Variants in EFL1 observed in about 807,000 individuals in gnomAD.
The protein encoded by EFL1 is elongation factor-like GTPase 1.
EFL1 carries 76 observed loss-of-function variants against 126.7 expected under a neutral mutation model. That is an observed-to-expected ratio of 0.60 (90% CI 0.50 to 0.73). The LOEUF (loss-of-function observed/expected upper bound fraction) is 0.73, where lower values mean the gene tolerates loss of function less well. Ranked by LOEUF, EFL1 falls within the 30% of genes least tolerant of loss-of-function variation. The pLI, the probability that EFL1 is intolerant of heterozygous loss-of-function variation, is 0.00. For missense variants in EFL1, 1,128 were observed against 1,343.2 expected, an observed-to-expected ratio of 0.84 and a Z score of 2.50; for synonymous variants, 410 against 448.4, an observed-to-expected ratio of 0.91 and a Z score of 1.08.
intron 15 of EFL1, among the ~76,000 whole-genome samples, chr15:82,185,214 T>C (rs9302301): frequency 0.16 from 23,291 of 143,034 alleles, 3,339 homozygotes; most frequent in African/African-American, 0.41. Flanking sequence ...TGTGTGTGTG[T>C]GCGTTCCTCA....
chr15:82,213,866 T>C (rs758870553), intron 15 of EFL1, among the ~76,000 whole-genome samples: 5 of 152,096 alleles, frequency 3.3e-5, no homozygotes, highest in Non-Finnish European at 7.4e-5. Flanking sequence ...TGCCAAAAAA[T>C]TAAATAAAGA....
intron 15 of EFL1, among the ~76,000 whole-genome samples, chr15:82,184,320 G>A (rs77617238): frequency 0.068 from 10,298 of 152,166 alleles, 518 homozygotes; most frequent in African/African-American, 0.13. Flanking sequence ...AACCATGACC[G>A]GTAGCACACA....
intron 15 of EFL1, among the ~76,000 whole-genome samples, chr15:82,171,826 A>G (rs2074138650): frequency 6.6e-6 from 1 of 152,138 alleles, no homozygotes; most frequent in African/African-American, 2.4e-5. Context: ...ACTCTCATGT[A>G]ACAAATCTGC....
At chr15:82,181,640 G>C (rs903526794) in intron 15 of EFL1, among the ~76,000 whole-genome samples, 1 of 151,798 alleles carries the variant, frequency 6.6e-6, no homozygotes, top group African/African-American at 2.4e-5. Flanking sequence ...GTGTGTGTGT[G>C]TGTGTATATA....
rs775113891 is a variant in EFL1 at position 82,151,801 on chromosome 15, C to T, written c.2653G>A (p.Glu885Lys). 1.2e-6 allele frequency: 2 copies of T among 1,614,164 alleles called. No individual in the cohort carries two copies. The highest frequency in any genetic ancestry group is 1.7e-6 in the Non-Finnish European group (2 of 1,180,032). The change falls in exon 18 of 20, where the codon GAG becomes AAG. Residue 885 changes from glutamate (E) to lysine (K), a missense_variant. Glu to Lys is a moderately conservative substitution (Grantham distance 56). Transcript: ENST00000268206. The stretch of plus-strand genomic sequence containing the variant: ...ACAAAACAGACACCCATGAGAGGCT[C>T]CTCACACATGGGGCCAGAGAGGGTT... ...LATLSGPMCE[E>K]PLMGVCFVLE...
chr15:82,241,510 C>T, intron 4 of EFL1, 107 bp from the exon 5 acceptor site: 2 of 1,394,068 alleles, frequency 1.4e-6, no homozygotes, highest in Non-Finnish European at 1.9e-6. Flanking sequence ...AAAAACTGAA[C>T]AAAGCTAAAG....
intron 15 of EFL1, among the ~76,000 whole-genome samples, chr15:82,173,123 AC>A (rs2074154324): frequency 6.6e-6 from 1 of 152,158 alleles, no homozygotes; most frequent in Non-Finnish European, 1.5e-5. Context: ...AATCGAAAGC[AC>A]CCTTCAATAT....
intron 17 of EFL1, among the ~76,000 whole-genome samples, chr15:82,152,879 T>C (rs1479425280): frequency 6.6e-6 from 1 of 152,158 alleles, no homozygotes; most frequent in African/African-American, 2.4e-5. Context: ...CACAATGTAT[T>C]TGGCTTTGAT....
chr15:82,257,623 G>A (rs1267523786), intron 3 of EFL1, among the ~76,000 whole-genome samples: 1 of 152,140 alleles, frequency 6.6e-6, no homozygotes, highest in African/African-American at 2.4e-5. Flanking sequence ...CAGAAAAATT[G>A]ACTGAAGGTT....
At chr15:82,173,971 C>G (rs145560373) in intron 15 of EFL1, among the ~76,000 whole-genome samples, 1 of 152,074 alleles carries the variant, frequency 6.6e-6, no homozygotes, top group East Asian at 1.9e-4. Context: ...AGGCGGATCA[C>G]GAGGTCAGGA....
At chr15:82,217,493 G>A (rs928586456) in intron 14 of EFL1, among the ~76,000 whole-genome samples, 4 of 150,122 alleles carry the variant, frequency 2.7e-5, no homozygotes, top group Non-Finnish European at 4.4e-5. Flanking sequence ...AACGAGCTAC[G>A]GGAATAGGCA....
intron 15 of EFL1, among the ~76,000 whole-genome samples, chr15:82,208,631 G>A (rs936479330): frequency 1.8e-4 from 28 of 152,056 alleles, no homozygotes; most frequent in Non-Finnish European, 2.8e-4. Flanking sequence ...TGCAATGATC[G>A]AGTGCTGTTT....
At chr15:82,185,217 G>A (rs1022166863) in intron 15 of EFL1, among the ~76,000 whole-genome samples, 1 of 136,504 alleles carries the variant, frequency 7.3e-6, no homozygotes, top group Non-Finnish European at 1.5e-5. Flanking sequence ...GTGTGTGTGC[G>A]TTCCTCAATT....
At chr15:82,141,565 G>A (rs1349681028) in intron 18 of EFL1, among the ~76,000 whole-genome samples, 1 of 151,948 alleles carries the variant, frequency 6.6e-6, no homozygotes, top group Non-Finnish European at 1.5e-5. Flanking sequence ...CTACTCCAGA[G>A]GCTGAGGCAG....
intron 18 of EFL1, 86 bp downstream of exon 18, chr15:82,151,379 C>A: frequency 1.5e-6 from 2 of 1,310,172 alleles, no homozygotes; most frequent in Non-Finnish European, 2.1e-6. Flanking sequence ...CAGAATGAGA[C>A]CCTGTCTCAA....
intron 7 of EFL1, among the ~76,000 whole-genome samples, chr15:82,235,507 TAA>T (rs1404461539): frequency 6.6e-6 from 1 of 152,064 alleles, no homozygotes; most frequent in Non-Finnish European, 1.5e-5. Context: ...CAATTGTATA[TAA>T]AATCTATAAA....
intron 15 of EFL1, among the ~76,000 whole-genome samples, chr15:82,203,582 C>T (rs1343217473): frequency 6.6e-6 from 1 of 152,132 alleles, no homozygotes; most frequent in African/African-American, 2.4e-5. Context: ...ATCATGTTGG[C>T]CAGGCTGGTC....
intron 15 of EFL1, among the ~76,000 whole-genome samples, chr15:82,198,664 C>T (rs1048589866): frequency 3.9e-5 from 6 of 152,110 alleles, no homozygotes; most frequent in African/African-American, 1.2e-4. Context: ...AGGAAGGGTC[C>T]TGGAAAACCA....
At chr15:82,216,258 C>T (rs946465575) in intron 14 of EFL1, among the ~76,000 whole-genome samples, 1 of 152,080 alleles carries the variant, frequency 6.6e-6, no homozygotes, top group Non-Finnish European at 1.5e-5. Flanking sequence ...AAACCTAATA[C>T]ATTCATGGAT....
Sources: gnomAD v4.1 joint callset for allele counts (sites outside exome capture counted in the v4.1 genomes callset) on GRCh38, gnomAD v4.1.1 for gene constraint, MANE v1.5 for transcripts, NCBI Gene and HGNC (gene_info 2026-07-23, HGNC 2026-07-21) for gene names.